Variants in SDK1 observed in about 807,000 individuals in gnomAD.
SDK1 encodes the protein protein sidekick-1.
In SDK1, 157 loss-of-function variants were observed where a neutral mutation model predicts 245.5. That is an observed-to-expected ratio of 0.64 (90% CI 0.56 to 0.73). The LOEUF (loss-of-function observed/expected upper bound fraction) is 0.73, where lower values mean the gene tolerates loss of function less well. Among genes scored for constraint, SDK1 ranks in the 30% least tolerant of loss-of-function variants. The pLI is 0.00. For synonymous variants in SDK1, 1,647 were observed against 1,278.5 expected (o/e 1.29, Z -6.15); for missense variants, 3,583 against 3,002.3 (o/e 1.19, Z -4.52).
intron 4 of SDK1, among the ~76,000 whole-genome samples, chr7:3,803,973 C>G (rs1395525681): frequency 2.0e-5 from 3 of 152,016 alleles, no homozygotes. Context: ...ACCATGTTAG[C>G]CAGGATGGTC....
rs1473486276 is a variant in SDK1 at position 3,794,197 on chromosome 7, C to G, written c.714-27253C>G. ...AGAACGGCGTGAATGTGGACATACC[C>G]AGCTGACCCCTTGAAGGTGTAAAAG... On this transcript the variant is annotated intron_variant, in intron 4 of 44. Coordinates refer to ENST00000404826, the MANE Select transcript of SDK1 (RefSeq NM_152744.4). Among the ~76,000 whole-genome samples the G allele has an allele frequency of 2.0e-5, 3 of 152,244 alleles. No homozygotes were observed. The East Asian group carries it at 5.8e-4, about 29-fold the overall frequency.
chr7:3,563,209 G>A lies in SDK1; in HGVS notation c.299-55871G>A, dbSNP rs555676972. Among the ~76,000 whole-genome samples the A allele has an allele frequency of 2.0e-5, 3 of 151,766 alleles. No individual in the cohort carries two copies. In the South Asian group the frequency reaches 6.3e-4, roughly 32 times the overall value. ...TAGGAAAGGGGAAGTGGGATGGAAA[G>A]AATAAAACAAAAATAAAATACAGTA... On this transcript the variant is annotated intron_variant, in intron 1 of 44. Transcript: ENST00000404826.
intron 44 of SDK1, among the ~76,000 whole-genome samples, chr7:4,248,419 G>T (rs1469672372): frequency 6.7e-6 from 1 of 149,722 alleles, no homozygotes; most frequent in African/African-American, 2.5e-5. Flanking sequence ...ATACACACAT[G>T]CACACACGTA....
At chr7:3,580,040 C>T (rs935010825) in intron 1 of SDK1, among the ~76,000 whole-genome samples, 7 of 152,168 alleles carry the variant, frequency 4.6e-5, no homozygotes, top group African/African-American at 1.7e-4. Context: ...ATCCCATTCT[C>T]AATAGCCACA....
intron 40 of SDK1, among the ~76,000 whole-genome samples, chr7:4,232,397 C>CTTTT (rs1785838734): frequency 6.8e-5 from 5 of 73,898 alleles, no homozygotes; most frequent in Admixed American, 1.3e-4. Flanking sequence ...TTTTTCTTTT[C>CTTTT]TTTTCTTTTC....
chr7:4,259,744 T>A (rs148163399), intron 44 of SDK1, among the ~76,000 whole-genome samples: 119 of 152,180 alleles, frequency 7.8e-4, no homozygotes, highest in African/African-American at 2.7e-3. Context: ...ACCTTTTGAG[T>A]TTCAGAGCGT....
chr7:3,409,131 C>A (rs573643261), intron 1 of SDK1, among the ~76,000 whole-genome samples: 3 of 152,102 alleles, frequency 2.0e-5, no homozygotes, highest in Admixed American at 2.0e-4. Flanking sequence ...AAAACAAAAC[C>A]AGATCATATG....
chr7:3,525,816 A>G (rs1006775551), intron 1 of SDK1, among the ~76,000 whole-genome samples: 3 of 152,222 alleles, frequency 2.0e-5, no homozygotes, highest in Non-Finnish European at 2.9e-5. Flanking sequence ...ATAAAAAAAT[A>G]TCAATTTTAG....
In SDK1 at chr7:3,983,840, C is replaced by T. The variant is rs1677686139; in HGVS notation, c.1995-3346C>T. On this transcript the variant is annotated intron_variant, in intron 13 of 44. Coordinates refer to ENST00000404826, the MANE Select transcript of SDK1 (RefSeq NM_152744.4). The stretch of plus-strand genomic sequence containing the variant: ...CAAAATATCACACTTTGCCCTGGGC[C>T]ATCACACTGAGTGTGACTTTGAGCC... Among the ~76,000 whole-genome samples, 2 of 152,078 alleles carry T rather than the reference C, an allele frequency of 1.3e-5. 1 individual carries two copies. Among genetic ancestry groups the T allele is most frequent in the South Asian group, 4.1e-4 (2 of 4,826 alleles).
intron 4 of SDK1, among the ~76,000 whole-genome samples, chr7:3,649,091 A>G (rs1049551548): frequency 6.6e-6 from 1 of 152,068 alleles, no homozygotes; most frequent in African/African-American, 2.4e-5. Flanking sequence ...AGGGGAATTG[A>G]GGCATCCCAC....
intron 4 of SDK1, among the ~76,000 whole-genome samples, chr7:3,784,796 A>G (rs974490128): frequency 1.3e-5 from 2 of 152,208 alleles, no homozygotes; most frequent in Non-Finnish European, 1.5e-5. Flanking sequence ...CTATGTGGAG[A>G]TTCCTCAAAA....
intron 4 of SDK1, among the ~76,000 whole-genome samples, chr7:3,798,471 C>A (rs1015316674): frequency 1.3e-5 from 2 of 152,112 alleles, no homozygotes; most frequent in African/African-American, 2.4e-5. Context: ...CCCACCTTGG[C>A]CTCCCAAAGT....
At chr7:3,903,149 G>GTTT (rs79544680) in intron 5 of SDK1, among the ~76,000 whole-genome samples, 4,137 of 142,344 alleles carry the variant, frequency 0.029, 177 homozygotes, top group African/African-American at 0.09. Flanking sequence ...TTTTTGTTTT[G>GTTT]TTTTTTTTTT....
chr7:3,892,592 A>G (rs1583520011), intron 5 of SDK1, among the ~76,000 whole-genome samples: 1 of 152,244 alleles, frequency 6.6e-6, no homozygotes, highest in Non-Finnish European at 1.5e-5. Flanking sequence ...CAAGTGATAC[A>G]GTCTCTCACA....
intron 1 of SDK1, among the ~76,000 whole-genome samples, chr7:3,596,485 G>T (rs1781071705): frequency 6.6e-6 from 1 of 152,174 alleles, no homozygotes; most frequent in Non-Finnish European, 1.5e-5. Flanking sequence ...AGCATGAAAA[G>T]AATTTCATAG....
intron 4 of SDK1, among the ~76,000 whole-genome samples, chr7:3,801,940 T>A (rs1779117022): frequency 6.6e-6 from 1 of 152,228 alleles, no homozygotes; most frequent in South Asian, 2.1e-4. Flanking sequence ...CTTGTTAGTT[T>A]TAGTTTAGAC....
intron 4 of SDK1, among the ~76,000 whole-genome samples, chr7:3,732,919 A>T (rs1779220018): frequency 6.6e-6 from 1 of 152,154 alleles, no homozygotes; most frequent in Admixed American, 6.5e-5. Flanking sequence ...GTTTATCTTG[A>T]GTGGAAGTTA....
intron 7 of SDK1, 149 bp from the exon 8 acceptor site, chr7:3,958,782 A>G (rs369776747): frequency 7.3e-6 from 5 of 682,874 alleles, no homozygotes; most frequent in African/African-American, 7.1e-5. Context: ...GCCTGTGCTC[A>G]CTGAGTTCTG....
At chr7:3,714,511 A>T (rs899209677) in intron 4 of SDK1, among the ~76,000 whole-genome samples, 3 of 152,174 alleles carry the variant, frequency 2.0e-5, no homozygotes, top group Non-Finnish European at 4.4e-5. Context: ...TGCTCATTTC[A>T]CATCAGTCCT....
Sources: allele counts gnomAD v4.1 joint callset (sites outside exome capture counted in the v4.1 genomes callset), GRCh38; gene constraint gnomAD v4.1.1; transcripts MANE v1.5; gene names NCBI Gene and HGNC (gene_info 2026-07-23, HGNC 2026-07-21).